The following ARK2N variants were observed in gnomAD, a reference collection of about 807,000 sequenced individuals.
The protein encoded by ARK2N is protein ARK2N.
At chr18:46,256,446 T>G in the ARK2N span, among the ~76,000 whole-genome samples, 1 of 152,220 alleles carries the variant, frequency 6.6e-6, no homozygotes, top group Non-Finnish European at 1.5e-5. Context: ...TATCTGGAGT[T>G]ACAGTTATCA....
At chr18:46,227,843 C>T in the ARK2N span, among the ~76,000 whole-genome samples, 2 of 152,180 alleles carry the variant, frequency 1.3e-5, no homozygotes, top group Non-Finnish European at 2.9e-5. Flanking sequence ...GGTGATCTGC[C>T]TGCCTCAGCC....
the ARK2N span, chr18:46,174,186 C>G: frequency 2.0e-5 from 3 of 152,512 alleles, no homozygotes; most frequent in Non-Finnish European, 4.4e-5. Context: ...GCTGCCGGGG[C>G]TTGTTCCGAG....
chr18:46,233,144 AAAGTC>A, the ARK2N span, among the ~76,000 whole-genome samples: 1 of 152,292 alleles, frequency 6.6e-6, no homozygotes, highest in East Asian at 1.9e-4. Flanking sequence ...GTGAACATAA[AAAGTC>A]AAGATTCTTT....
chr18:46,257,548 A>G, the ARK2N span, among the ~76,000 whole-genome samples: 3 of 152,144 alleles, frequency 2.0e-5, no homozygotes, highest in African/African-American at 7.2e-5. Context: ...TAATTTTTGG[A>G]CAGTCCAGTT....
the ARK2N span, among the ~76,000 whole-genome samples, chr18:46,251,442 C>T: frequency 6.6e-6 from 1 of 152,132 alleles, no homozygotes; most frequent in African/African-American, 2.4e-5. Context: ...TATGTGCCCA[C>T]TGCTAGTGCC....
chr18:46,191,058 C>T, the ARK2N span, among the ~76,000 whole-genome samples: 1 of 152,084 alleles, frequency 6.6e-6, no homozygotes, highest in Non-Finnish European at 1.5e-5. Flanking sequence ...TTTTTTATCT[C>T]TTTGGGTACT....
At chr18:46,216,505 A>G in the ARK2N span, 1 of 1,614,216 alleles carries the variant, frequency 6.2e-7, no homozygotes, top group South Asian at 1.1e-5. The surrounding 1 kb of genome is among the most constrained non-coding windows in gnomAD (Gnocchi z 4.3). Context: ...TACCAGTGAT[A>G]GTGACCTGAC....
the ARK2N span, among the ~76,000 whole-genome samples, chr18:46,229,901 G>A: frequency 9.2e-5 from 14 of 151,986 alleles, no homozygotes; most frequent in South Asian, 1.0e-3. Context: ...ACCACGCCTC[G>A]CCTTGTGAAG....
At chr18:46,262,865 A>G in the ARK2N span, 14 of 1,513,402 alleles carry the variant, frequency 9.3e-6, no homozygotes, top group Non-Finnish European at 1.3e-5. Context: ...AACTGAGGTC[A>G]TATTGTCTTC....
chr18:46,240,124 G>A, the ARK2N span: 28 of 1,614,180 alleles, frequency 1.7e-5, no homozygotes, highest in East Asian at 4.5e-5. Context: ...TTCTGTAGGC[G>A]GCCAGGACAC....
At chr18:46,242,346 C>CA in the ARK2N span, among the ~76,000 whole-genome samples, 1 of 152,140 alleles carries the variant, frequency 6.6e-6, no homozygotes, top group Non-Finnish European at 1.5e-5. Flanking sequence ...TTTTGACCTA[C>CA]AAAAAATCAG....
chr18:46,220,531 A>G, the ARK2N span, among the ~76,000 whole-genome samples: 1 of 152,214 alleles, frequency 6.6e-6, no homozygotes, highest in African/African-American at 2.4e-5. Context: ...TGAAGTAGAA[A>G]GTTAAAATCA....
chr18:46,203,168 G>A, the ARK2N span, among the ~76,000 whole-genome samples: 5 of 152,154 alleles, frequency 3.3e-5, no homozygotes, highest in East Asian at 1.9e-4. Context: ...ATGTGCAAAC[G>A]TGCACAAGAA....
the ARK2N span, among the ~76,000 whole-genome samples, chr18:46,248,813 G>T: frequency 6.6e-6 from 1 of 152,260 alleles, no homozygotes. Flanking sequence ...TCCATCTCTT[G>T]ACCTCATGAT....
At chr18:46,196,291 T>G in the ARK2N span, among the ~76,000 whole-genome samples, 1 of 140,496 alleles carries the variant, frequency 7.1e-6, no homozygotes, top group Non-Finnish European at 1.5e-5. Context: ...AGACGGAGTC[T>G]CGCTCTGTCG....
the ARK2N span, chr18:46,216,707 T>A: frequency 1.0e-6 from 1 of 978,632 alleles, no homozygotes; most frequent in Non-Finnish European, 1.5e-6. This position sits in a 1 kb window ranked among gnomAD's most constrained non-coding sequence, Gnocchi z 4.3. Flanking sequence ...CAGCTCTGTG[T>A]AAATTTGAAG....
chr18:46,255,445 C>CTTTTCTTTTTTT, the ARK2N span, among the ~76,000 whole-genome samples: 1 of 77,742 alleles, frequency 1.3e-5, no homozygotes, highest in African/African-American at 6.1e-5. Context: ...CTTTTCTTTT[C>CTTTTCTTTTTTT]TTTTTTTTTT....
At chr18:46,240,096 A>C in the ARK2N span, 1 of 1,614,228 alleles carries the variant, frequency 6.2e-7, no homozygotes, top group South Asian at 1.1e-5. Context: ...CGGCTGCAGT[A>C]GTTCAAGAGC....
chr18:46,216,653 G>A, the ARK2N span: 6 of 1,429,160 alleles, frequency 4.2e-6, no homozygotes, highest in South Asian at 8.2e-5. This position sits in a 1 kb window ranked among gnomAD's most constrained non-coding sequence, Gnocchi z 4.3. Context: ...TCAGCTATCA[G>A]GTTCAGTTAG....
Sources: allele counts gnomAD v4.1 joint callset (sites outside exome capture counted in the v4.1 genomes callset), GRCh38; gene constraint gnomAD v4.1.1; non-coding constraint Gnocchi (gnomAD v3.1); transcripts MANE v1.5; gene names NCBI Gene and HGNC (gene_info 2026-07-23, HGNC 2026-07-21).